SV2C: variants seen among roughly 807,000 people sequenced by gnomAD.
SV2C encodes the protein solute carrier family 22 member B3.
A neutral mutation model predicts 79.7 loss-of-function variants in SV2C; 49 were observed. The ratio of observed to expected loss-of-function variants is 0.61; its 90% confidence interval spans 0.49 to 0.78. The LOEUF (loss-of-function observed/expected upper bound fraction) is 0.78, where lower values mean the gene tolerates loss of function less well. Among genes scored for constraint, SV2C ranks in the 30% least tolerant of loss-of-function variants. SV2C has a pLI of 0.00. For missense variants in SV2C, 833 were observed against 912.9 expected, an observed-to-expected ratio of 0.91 and a Z score of 1.13; for synonymous variants, 334 against 333.2, an observed-to-expected ratio of 1.00 and a Z score of -0.03.
rs142572232 is a variant in SV2C at position 76,194,563 on chromosome 5, C to T, written c.581-356C>T. Among the ~76,000 whole-genome samples, 235 of 152,266 alleles carry T rather than the reference C, an allele frequency of 1.5e-3. 1 individual carries two copies. Among genetic ancestry groups the T allele is most frequent in the African/African-American group, 5.5e-3 (230 of 41,554 alleles). On this transcript the variant is annotated intron_variant, in intron 2 of 12. Transcript: ENST00000502798. ...ACAGAGAAAAATATACCCTCCACAC[C>T]CAGGCAAAGGTTGACCACCCTATTC... is the stretch of plus-strand genomic sequence containing the variant.
intron 2 of SV2C, among the ~76,000 whole-genome samples, chr5:76,164,756 A>G (rs1401501196): frequency 3.1e-5 from 2 of 64,650 alleles, no homozygotes; most frequent in Non-Finnish European, 5.7e-5. Context: ...GTGTGTAAAC[A>G]TATATATAGA....
intron 4 of SV2C, among the ~76,000 whole-genome samples, chr5:76,210,269 G>T (rs1326428884): frequency 6.6e-6 from 1 of 152,142 alleles, no homozygotes; most frequent in Non-Finnish European, 1.5e-5. Flanking sequence ...CAGATTAAGG[G>T]CTCAGTCCCA....
At chr5:75,854,736 C>T in the SV2C span, among the ~76,000 whole-genome samples, 2 of 151,958 alleles carry the variant, frequency 1.3e-5, no homozygotes, top group Non-Finnish European at 2.9e-5. Context: ...TGTGTTATTT[C>T]CTTCTCTTGT....
At chr5:75,877,548 A>G in the SV2C span, among the ~76,000 whole-genome samples, 3 of 152,098 alleles carry the variant, frequency 2.0e-5, no homozygotes, top group African/African-American at 4.8e-5. Flanking sequence ...AAAAGAAACA[A>G]TACAAAGTAT....
intron 3 of SV2C, among the ~76,000 whole-genome samples, chr5:76,198,425 G>T (rs1318660174): frequency 6.6e-6 from 1 of 152,074 alleles, no homozygotes; most frequent in African/African-American, 2.4e-5. Flanking sequence ...CTCTGCACAT[G>T]CCAGCTCCCC....
chr5:76,085,755 TA>T (rs1747167853), intron 1 of SV2C, among the ~76,000 whole-genome samples: 1 of 151,628 alleles, frequency 6.6e-6, no homozygotes, highest in African/African-American at 2.4e-5. Context: ...ACAAAAGAGA[TA>T]ATCTCAGAGA....
the SV2C span, among the ~76,000 whole-genome samples, chr5:75,853,424 C>T: frequency 2.8e-4 from 42 of 151,186 alleles, 1 homozygote; most frequent in East Asian, 1.9e-4. Flanking sequence ...GGCGTGGTGG[C>T]GGGCGCCTGT....
the SV2C span, among the ~76,000 whole-genome samples, chr5:75,879,037 A>G: frequency 0.12 from 18,938 of 152,072 alleles, 1,394 homozygotes; most frequent in African/African-American, 0.22. Flanking sequence ...CTTTTAAACA[A>G]CCAGATCTCA....
At chr5:75,879,928 C>A in the SV2C span, among the ~76,000 whole-genome samples, 1 of 152,176 alleles carries the variant, frequency 6.6e-6, no homozygotes, top group Non-Finnish European at 1.5e-5. Context: ...ATCACTCTTG[C>A]ATTGAGTGTG....
chr5:76,084,796 G>A (rs1284395478), intron 1 of SV2C, among the ~76,000 whole-genome samples: 7 of 151,814 alleles, frequency 4.6e-5, no homozygotes, highest in Non-Finnish European at 1.0e-4. Context: ...CGCGCCTGGC[G>A]CGGAGAGCGG....
the SV2C span, among the ~76,000 whole-genome samples, chr5:76,048,985 AAGAAAGAAAG>A: frequency 1.1e-5 from 1 of 91,262 alleles, no homozygotes; most frequent in African/African-American, 3.8e-5. Flanking sequence ...GAAAGAAAGA[AAGAAAGAAAG>A]AAAGAAAGAA....
chr5:76,300,364 T>A (rs542249508), intron 10 of SV2C, among the ~76,000 whole-genome samples: 1 of 152,054 alleles, frequency 6.6e-6, no homozygotes, highest in Non-Finnish European at 1.5e-5. Context: ...TGGACACTAT[T>A]AGTACTATAA....
At chr5:76,122,504 G>A (rs1748547574) in intron 1 of SV2C, among the ~76,000 whole-genome samples, 1 of 151,972 alleles carries the variant, frequency 6.6e-6, no homozygotes, top group Admixed American at 6.6e-5. Flanking sequence ...ATTGGCTGTG[G>A]GTTTGTCATA....
At chr5:76,026,234 A>ACACACACACG in the SV2C span, among the ~76,000 whole-genome samples, 1 of 150,934 alleles carries the variant, frequency 6.6e-6, no homozygotes. Context: ...ACACACACAC[A>ACACACACACG]CACACACTTC....
At chr5:76,003,364 T>C in the SV2C span, among the ~76,000 whole-genome samples, 1 of 152,070 alleles carries the variant, frequency 6.6e-6, no homozygotes, top group Non-Finnish European at 1.5e-5. Flanking sequence ...TGACAGCACA[T>C]CTCAAGAGCA....
chr5:75,910,477 C>T, the SV2C span: 10 of 601,466 alleles, frequency 1.7e-5, no homozygotes, highest in Non-Finnish European at 3.1e-5. Context: ...TCTTGAGGTC[C>T]TTGTATAGCT....
At chr5:75,909,974 T>A in the SV2C span, among the ~76,000 whole-genome samples, 1 of 152,192 alleles carries the variant, frequency 6.6e-6, no homozygotes, top group Non-Finnish European at 1.5e-5. Context: ...AAACTCCATG[T>A]CAACAGGATT....
chr5:75,903,367 G>GTTTT, the SV2C span, among the ~76,000 whole-genome samples: 1 of 138,860 alleles, frequency 7.2e-6, no homozygotes, highest in East Asian at 2.0e-4. Flanking sequence ...ACAAAAAGGT[G>GTTTT]TTTTTTTTTT....
At position 76,298,945 on chromosome 5, in the gene SV2C, T is replaced by C; in HGVS notation, c.1636+18T>C. 1 of 1,611,954 alleles carries C rather than the reference T, an allele frequency of 6.2e-7. No homozygotes were observed. The highest frequency in any genetic ancestry group is 8.5e-7 in the Non-Finnish European group (1 of 1,179,238). On this transcript the variant is annotated intron_variant, in intron 10 of 12. Transcript: ENST00000502798. Reference sequence around the variant, plus strand: ...CAACACAGGTAGGTGTGCTACTTAGTACTGCCTCTACCTGAGGCCTCTCCA... The same window carrying C: ...CAACACAGGTAGGTGTGCTACTTAGCACTGCCTCTACCTGAGGCCTCTCCA...
Sources: allele counts gnomAD v4.1 joint callset (sites outside exome capture counted in the v4.1 genomes callset), GRCh38; gene constraint gnomAD v4.1.1; transcripts MANE v1.5; gene names NCBI Gene and HGNC (gene_info 2026-07-23, HGNC 2026-07-21).